The following PDZRN4 variants were observed in gnomAD, a reference collection of about 807,000 sequenced individuals.
The protein encoded by PDZRN4 is PDZ domain containing ring finger 4.
PDZRN4 carries 70 observed loss-of-function variants against 99.0 expected under a neutral mutation model. The ratio of observed to expected loss-of-function variants is 0.71; its 90% CI spans 0.58 to 0.86. PDZRN4 has a LOEUF of 0.86. Ranked by LOEUF, PDZRN4 falls within the 40% of genes least tolerant of loss-of-function variation. PDZRN4 has a pLI of 0.00. For missense variants in PDZRN4, 1,474 were observed against 1,331.2 expected (o/e 1.11, Z -1.67); for synonymous variants, 551 against 501.6 (o/e 1.10, Z -1.32).
intron 3 of PDZRN4, among the ~76,000 whole-genome samples, chr12:41,449,960 A>T (rs898990834): frequency 6.6e-6 from 1 of 152,192 alleles, no homozygotes; most frequent in African/African-American, 2.4e-5. Flanking sequence ...AGTGATAGTT[A>T]TAAAATATAC....
chr12:41,240,929 G>A (rs376399055), intron 3 of PDZRN4, among the ~76,000 whole-genome samples: 22 of 152,188 alleles, frequency 1.4e-4, no homozygotes, highest in Admixed American at 3.3e-4. Flanking sequence ...AGACCATAGC[G>A]TATATAAACT....
intron 3 of PDZRN4, among the ~76,000 whole-genome samples, chr12:41,267,933 A>G (rs557272091): frequency 1.3e-5 from 2 of 152,302 alleles, no homozygotes; most frequent in African/African-American, 4.8e-5. Flanking sequence ...AAGAATCCTA[A>G]CAAAGGCACC....
chr12:41,336,287 G>GC (rs1951773817), intron 3 of PDZRN4, among the ~76,000 whole-genome samples: 1 of 152,110 alleles, frequency 6.6e-6, no homozygotes, highest in Non-Finnish European at 1.5e-5. Context: ...ATAATGCACT[G>GC]CTTTTGTGGT....
rs1269598268 is a variant in PDZRN4 at position 41,573,800 on chromosome 12, G to T, written c.3021G>T (p.Trp1007Cys). Reference sequence around the variant, plus strand: ...GAAACAAGAAAATTTTGGACAACTGGATGACAATCCAAGAACTGATGACCC... The same window carrying T: ...GAAACAAGAAAATTTTGGACAACTGTATGACAATCCAAGAACTGATGACCC... ...KKRNKKILDN[W>C]MTIQELMTHG... is the part of the protein sequence containing the mutation. Residue 1007 changes from tryptophan (W) to cysteine (C), a missense_variant, in exon 10 of 10, where the codon TGG (tryptophan) becomes TGT (cysteine). By Grantham distance (215) the Trp-to-Cys change is radical (BLOSUM62 -2). Coordinates refer to ENST00000402685, the MANE Select transcript of PDZRN4 (RefSeq NM_001164595.2). 1.2e-6 allele frequency: 2 copies of T among 1,613,532 alleles called. No individual in the cohort carries two copies. The highest frequency in any genetic ancestry group is 1.7e-6 in the Non-Finnish European group (2 of 1,179,766).
At chr12:41,425,723 T>C (rs1485817655) in intron 3 of PDZRN4, among the ~76,000 whole-genome samples, 1 of 152,212 alleles carries the variant, frequency 6.6e-6, no homozygotes, top group Admixed American at 6.5e-5. Context: ...TCAGGAGTTA[T>C]GCAAATACTG....
At chr12:41,419,202 A>G (rs1952470901) in intron 3 of PDZRN4, among the ~76,000 whole-genome samples, 1 of 152,104 alleles carries the variant, frequency 6.6e-6, no homozygotes, top group Non-Finnish European at 1.5e-5. Flanking sequence ...CTGTTTAAAA[A>G]GTAGGATGGC....
In PDZRN4 at chr12:41,270,322, GTGTC is replaced by G. The variant is rs1310027013; in HGVS notation, c.843+76138_843+76141del. 1.8e-3 allele frequency among the ~76,000 whole-genome samples: 233 copies of G among 132,184 alleles called. 2 individuals carry two copies. Among genetic ancestry groups the G allele is most frequent in the African/African-American group, 6.1e-3 (218 of 35,608 alleles). The allele number at this position is 132,184 out of a possible 152,430, so 86.7% of individuals were successfully genotyped here. Reference sequence around the variant, plus strand: ...GTGTCTGTGTGTGTGGTGTGTGTGTGTGTCTGTGTGTGTGTGTGTGTGTGTATTT... The same window carrying G: ...GTGTCTGTGTGTGTGGTGTGTGTGTGTGTGTGTGTGTGTGTGTGTGTATTT... On this transcript the variant is annotated intron_variant, in intron 3 of 9. Transcript: ENST00000402685.
At chr12:41,498,861 G>A (rs1938059143) in intron 3 of PDZRN4, among the ~76,000 whole-genome samples, 2 of 152,026 alleles carry the variant, frequency 1.3e-5, no homozygotes, top group Non-Finnish European at 1.5e-5. Context: ...CATTTTAGAT[G>A]CAACTACTTT....
intron 3 of PDZRN4, chr12:41,478,016 T>C: frequency 1.3e-6 from 1 of 772,884 alleles, no homozygotes; most frequent in Non-Finnish European, 2.1e-6. Flanking sequence ...CAAATGTGGC[T>C]GCTTTGGTCT....
intron 3 of PDZRN4, among the ~76,000 whole-genome samples, chr12:41,429,998 C>T (rs1952572984): frequency 6.6e-6 from 1 of 151,998 alleles, no homozygotes; most frequent in Non-Finnish European, 1.5e-5. Flanking sequence ...GGTACCTTGG[C>T]CTCTATATGA....
intron 3 of PDZRN4, among the ~76,000 whole-genome samples, chr12:41,359,864 T>C (rs1951952699): frequency 6.6e-6 from 1 of 152,058 alleles, no homozygotes; most frequent in Admixed American, 6.6e-5. Flanking sequence ...ACTGTTAGTC[T>C]GTCAGGTTTC....
chr12:41,346,286 C>T (rs1951854301), intron 3 of PDZRN4, among the ~76,000 whole-genome samples: 1 of 152,034 alleles, frequency 6.6e-6, no homozygotes, highest in Non-Finnish European at 1.5e-5. Flanking sequence ...CACGGTGAAA[C>T]CCCGTCTCTA....
intron 3 of PDZRN4, among the ~76,000 whole-genome samples, chr12:41,220,581 AAG>A (rs1479152208): frequency 8.5e-5 from 13 of 152,178 alleles, no homozygotes; most frequent in Non-Finnish European, 1.8e-4. Context: ...AAGTGTTTGA[AAG>A]AACAAAGAAA....
At chr12:41,265,308 C>T (rs780069230) in intron 3 of PDZRN4, among the ~76,000 whole-genome samples, 44 of 152,230 alleles carry the variant, frequency 2.9e-4, no homozygotes, top group Admixed American at 5.2e-4. Context: ...ATCATCAACC[C>T]AAGTTATATT....
intron 3 of PDZRN4, among the ~76,000 whole-genome samples, chr12:41,395,601 T>C (rs978209758): frequency 6.6e-6 from 1 of 152,220 alleles, no homozygotes; most frequent in African/African-American, 2.4e-5. Flanking sequence ...TAATAATGTG[T>C]ATACATTTAT....
At chr12:41,495,678 T>A (rs1937986674) in intron 3 of PDZRN4, among the ~76,000 whole-genome samples, 1 of 152,232 alleles carries the variant, frequency 6.6e-6, no homozygotes, top group African/African-American at 2.4e-5. Flanking sequence ...ACTTTTCAGA[T>A]GAAAGGTATT....
intron 3 of PDZRN4, among the ~76,000 whole-genome samples, chr12:41,215,672 A>G (rs751647601): frequency 6.6e-6 from 1 of 151,944 alleles, no homozygotes; most frequent in Non-Finnish European, 1.5e-5. Context: ...TAATTGTTAT[A>G]TCCACTTGAA....
chr12:41,195,563 C>A (rs147125935), intron 3 of PDZRN4, among the ~76,000 whole-genome samples: 1 of 151,288 alleles, frequency 6.6e-6, no homozygotes. Flanking sequence ...ATAAATTAGC[C>A]GACTACAAAA....
rs200226124 is a variant in PDZRN4 at position 41,300,271 on chromosome 12, CTT to C, written c.843+106085_843+106086del. 3.9e-5 allele frequency among the ~76,000 whole-genome samples: 6 copies of C among 151,972 alleles called. No individual in the cohort carries two copies. The East Asian group carries it at 9.7e-4, about 24-fold the overall frequency. ...AATAAGTGTATTTATAATTATGCAA[CTT>C]TGTTTTTGAAAACAAATGTACTATG... is the stretch of plus-strand genomic sequence containing the variant. On this transcript the variant is annotated intron_variant, in intron 3 of 9. Transcript: ENST00000402685.
Sources: gnomAD v4.1 joint callset for allele counts (sites outside exome capture counted in the v4.1 genomes callset) on GRCh38, gnomAD v4.1.1 for gene constraint, MANE v1.5 for transcripts, NCBI Gene and HGNC (gene_info 2026-07-23, HGNC 2026-07-21) for gene names.